Variants in ZNF407 observed in about 807,000 individuals in gnomAD.
The protein encoded by ZNF407 is zinc finger protein 407.
ZNF407 carries 17 observed loss-of-function variants against 131.2 expected under a neutral mutation model. That is an observed-to-expected ratio of 0.13 (90% CI 0.09 to 0.19). The LOEUF (loss-of-function observed/expected upper bound fraction) is 0.19. Among genes scored for constraint, ZNF407 ranks in the 10% least tolerant of loss-of-function variants. ZNF407 has a pLI of 1.00. For synonymous variants in ZNF407, 1,156 were observed against 1,062.0 expected, an observed-to-expected ratio of 1.09 and a Z score of -1.72; for missense variants, 2,681 against 2,830.6, an observed-to-expected ratio of 0.95 and a Z score of 1.20.
chr18:74,727,898 G>T (rs1455231437), intron 3 of ZNF407, among the ~76,000 whole-genome samples: 1 of 152,180 alleles, frequency 6.6e-6, no homozygotes, highest in African/African-American at 2.4e-5. Flanking sequence ...AATACCTGTG[G>T]TATCTAGGCT....
intron 8 of ZNF407, among the ~76,000 whole-genome samples, chr18:75,001,558 A>G (rs983975128): frequency 3.3e-5 from 5 of 152,234 alleles, no homozygotes; most frequent in Non-Finnish European, 7.3e-5. Flanking sequence ...AGAAATAAAC[A>G]TAGAACCATA....
At chr18:74,665,272 T>C (rs1475889364) in intron 3 of ZNF407, among the ~76,000 whole-genome samples, 1 of 152,236 alleles carries the variant, frequency 6.6e-6, no homozygotes, top group Non-Finnish European at 1.5e-5. Flanking sequence ...CTGGTGCTTC[T>C]TAGTGTTATT....
intron 4 of ZNF407, among the ~76,000 whole-genome samples, chr18:74,811,672 C>T (rs1444202767): frequency 6.6e-6 from 1 of 151,710 alleles, no homozygotes; most frequent in Non-Finnish European, 1.5e-5. Context: ...GGCACATATA[C>T]ACCATGGAAT....
chr18:74,658,930 CTA>C (rs1400955110), intron 3 of ZNF407, among the ~76,000 whole-genome samples: 1 of 151,832 alleles, frequency 6.6e-6, no homozygotes, highest in Non-Finnish European at 1.5e-5. Context: ...ATATATCTAT[CTA>C]TATATATATT....
chr18:74,736,872 A>G (rs370520081), intron 3 of ZNF407, among the ~76,000 whole-genome samples: 1 of 152,162 alleles, frequency 6.6e-6, no homozygotes, highest in African/African-American at 2.4e-5. Context: ...TTATCCTTCT[A>G]TTCTCATTAG....
intron 3 of ZNF407, among the ~76,000 whole-genome samples, chr18:74,651,543 T>C (rs939065556): frequency 2.6e-5 from 4 of 152,166 alleles, no homozygotes; most frequent in Admixed American, 2.0e-4. Flanking sequence ...GCCATGTATT[T>C]TCTGTTGACA....
intron 3 of ZNF407, among the ~76,000 whole-genome samples, chr18:74,676,603 A>AT (rs1555676036): frequency 6.6e-5 from 10 of 151,140 alleles, no homozygotes; most frequent in South Asian, 4.2e-4. Flanking sequence ...TGCCCGGGTA[A>AT]TTTTGTATTT....
At chr18:74,944,424 G>A (rs184001370) in intron 8 of ZNF407, among the ~76,000 whole-genome samples, 1 of 152,262 alleles carries the variant, frequency 6.6e-6, no homozygotes, top group East Asian at 1.9e-4. Flanking sequence ...CATCAAAGAT[G>A]TATGGCCACC....
chr18:74,920,215 C>A (rs1283745816), intron 7 of ZNF407, among the ~76,000 whole-genome samples: 1 of 152,168 alleles, frequency 6.6e-6, no homozygotes, highest in African/African-American at 2.4e-5. Flanking sequence ...TCAGCTAACA[C>A]CTTCACTGCC....
chr18:74,650,965 A>G (rs1382604930), intron 3 of ZNF407, among the ~76,000 whole-genome samples: 1 of 151,980 alleles, frequency 6.6e-6, no homozygotes, highest in Non-Finnish European at 1.5e-5. Context: ...ATATATAAAT[A>G]TAATATTTCC....
intron 6 of ZNF407, among the ~76,000 whole-genome samples, chr18:74,889,372 A>G (rs914792745): frequency 2.6e-5 from 4 of 152,134 alleles, no homozygotes; most frequent in African/African-American, 9.7e-5. Flanking sequence ...GTGGTATTAA[A>G]TATTCTAAAT....
intron 8 of ZNF407, chr18:75,061,926 C>T (rs1009530534): frequency 6.6e-6 from 1 of 152,262 alleles, no homozygotes; most frequent in Non-Finnish European, 1.5e-5. Flanking sequence ...CACTTCAGAT[C>T]GTAAATTTCT....
At chr18:74,636,056 T>C (rs894916723) in intron 2 of ZNF407, among the ~76,000 whole-genome samples, 2 of 152,202 alleles carry the variant, frequency 1.3e-5, no homozygotes, top group Non-Finnish European at 2.9e-5. Flanking sequence ...TGGCACCTTA[T>C]AATTTCAGAA....
intron 8 of ZNF407, among the ~76,000 whole-genome samples, chr18:74,924,912 C>T (rs1971892783): frequency 6.6e-6 from 1 of 152,144 alleles, no homozygotes; most frequent in African/African-American, 2.4e-5. Flanking sequence ...CGAATGCTCA[C>T]TGGAAGACCC....
At chr18:74,690,779 A>G (rs1053826853) in intron 3 of ZNF407, among the ~76,000 whole-genome samples, 1 of 152,188 alleles carries the variant, frequency 6.6e-6, no homozygotes, top group East Asian at 1.9e-4. Context: ...TGAGTACCCA[A>G]TCATATATTA....
intron 3 of ZNF407, among the ~76,000 whole-genome samples, chr18:74,701,978 C>T (rs935787046): frequency 6.6e-6 from 1 of 152,106 alleles, no homozygotes; most frequent in Non-Finnish European, 1.5e-5. Flanking sequence ...TATGTTTTAG[C>T]TTGGTATGCA....
chr18:74,642,015 A>G (rs1348973640), intron 3 of ZNF407, among the ~76,000 whole-genome samples: 1 of 33,182 alleles, frequency 3.0e-5, no homozygotes, highest in African/African-American at 1.2e-4. Flanking sequence ...TGCACATATT[A>G]TATTAGGTTT....
At chr18:74,849,668 C>T (rs1970754028) in intron 4 of ZNF407, among the ~76,000 whole-genome samples, 2 of 152,148 alleles carry the variant, frequency 1.3e-5, no homozygotes, top group African/African-American at 4.8e-5. Context: ...CACCTGTGCA[C>T]CTGCTTAGAC....
At chr18:74,831,557 C>G (rs991425787) in intron 4 of ZNF407, among the ~76,000 whole-genome samples, 4 of 152,158 alleles carry the variant, frequency 2.6e-5, no homozygotes, top group African/African-American at 9.7e-5. Flanking sequence ...AGCATAATAT[C>G]CTCAAGGTTA....
Sources: allele counts gnomAD v4.1 joint callset (sites outside exome capture counted in the v4.1 genomes callset), GRCh38; gene constraint gnomAD v4.1.1; transcripts MANE v1.5; gene names NCBI Gene and HGNC (gene_info 2026-07-23, HGNC 2026-07-21).